TMEM175: variants seen among roughly 807,000 people sequenced by gnomAD.
The protein encoded by TMEM175 is transmembrane protein 175.
A neutral mutation model predicts 36.5 loss-of-function variants in TMEM175; 36 were observed. That is an observed-to-expected ratio of 0.99 (90% CI 0.76 to 1.30). The LOEUF (loss-of-function observed/expected upper bound fraction) is 1.30. Among genes scored for constraint, TMEM175 ranks in the 50% most tolerant of loss-of-function variants. TMEM175 has a pLI of 0.00. For missense variants in TMEM175, 705 were observed against 692.8 expected (o/e 1.02, Z -0.20); for synonymous variants, 339 against 313.4 (o/e 1.08, Z -0.86).
chr4:943,232 A>G (rs1727738398), intron 1 of TMEM175, among the ~76,000 whole-genome samples: 1 of 152,134 alleles, frequency 6.6e-6, no homozygotes, highest in Non-Finnish European at 1.5e-5. Context: ...AAAATAAATT[A>G]ATTGAATTAT....
intron 1 of TMEM175, among the ~76,000 whole-genome samples, chr4:941,265 G>A (rs1727449560): frequency 1.4e-5 from 2 of 147,992 alleles, no homozygotes; most frequent in South Asian, 2.1e-4. Flanking sequence ...AATCCCAGCT[G>A]CTCGGGAGGC....
rs772663977 is a variant in TMEM175 at position 950,416 on chromosome 4, TC to T, written c.193-3del. The T allele has an allele frequency of 1.2e-6, 2 of 1,611,086 alleles. No individual in the cohort carries two copies. Among genetic ancestry groups the T allele is most frequent in the Admixed American group, 3.3e-5 (2 of 59,984 alleles). On this transcript the variant is annotated splice_polypyrimidine_tract_variant and splice_region_variant and intron_variant, in intron 3 of 10. Transcript: ENST00000264771. ...GGCTCTGACAGCAGTGCTCTTGTAT[TC>T]CAGCAGTTCGACAGAAGTGTACAGA...
At chr4:955,361 G>A (rs1477027500) in intron 8 of TMEM175, 44 bp from the exon 9 acceptor site, 22 of 1,523,234 alleles carry the variant, frequency 1.4e-5, no homozygotes, top group Non-Finnish European at 1.8e-5. Context: ...GCCTGGCCTC[G>A]GACCCCTGTG....
intron 8 of TMEM175, 92 bp from the exon 9 acceptor site, chr4:955,313 G>A (rs1265039696): frequency 9.3e-6 from 9 of 963,578 alleles, no homozygotes; most frequent in Admixed American, 1.9e-5. Flanking sequence ...CCCTTCTGCC[G>A]CAGCCCCTGC....
chr4:944,060 A>G (rs1267529652), intron 1 of TMEM175, among the ~76,000 whole-genome samples: 2 of 152,232 alleles, frequency 1.3e-5, no homozygotes, highest in Admixed American at 6.5e-5. Flanking sequence ...CGGGAGGCCA[A>G]GGTAGGTGGA....
chr4:957,436 G>A (rs1283006702), intron 10 of TMEM175, among the ~76,000 whole-genome samples: 1 of 152,206 alleles, frequency 6.6e-6, no homozygotes. Context: ...TGTTGTGTGG[G>A]TGGCTCCGAG....
intron 1 of TMEM175, among the ~76,000 whole-genome samples, chr4:939,644 A>C (rs1214234033): frequency 4.6e-5 from 7 of 152,206 alleles, no homozygotes; most frequent in Admixed American, 2.0e-4. Flanking sequence ...TAAACCCAGG[A>C]GGTGGAGGTT....
At chr4:936,955 CA>C (rs76493313) in intron 1 of TMEM175, among the ~76,000 whole-genome samples, 63 of 135,136 alleles carry the variant, frequency 4.7e-4, no homozygotes, top group East Asian at 3.8e-3. Context: ...GACTCTGTCT[CA>C]AAAAAAAAAA....
Position 947,732 on chromosome 4 carries a change from G to T in TMEM175, c.-8G>T. 6.3e-7 allele frequency: 1 copy of T among 1,597,540 alleles called. No homozygotes were observed. The highest frequency in any genetic ancestry group is 1.3e-5 in the African/African-American group (1 of 74,798). On this transcript the variant is annotated 5_prime_UTR_variant, in exon 2 of 11. Coordinates refer to ENST00000264771, the MANE Select transcript of TMEM175 (RefSeq NM_032326.4). ...AGGCTCCTGTAACCGCCAGGCAGCG[G>T]CCCCGCCATGTCCCAGCCCCGGACC...
chr4:958,610 GT>G lies in TMEM175; in HGVS notation c.*118del. The G allele has an allele frequency of 1.2e-6, 1 of 833,848 alleles. No individual in the cohort carries two copies. The highest frequency in any genetic ancestry group is 1.8e-6 in the Non-Finnish European group (1 of 555,436). 51.7% of individuals were successfully genotyped at this position (833,848 alleles called of 1,614,324 possible). A position where few individuals can be genotyped will look rare whatever the true frequency, so the allele number is the denominator to read the frequency against. On this transcript the variant is annotated 3_prime_UTR_variant, in exon 11 of 11. Coordinates refer to ENST00000264771, the MANE Select transcript of TMEM175 (RefSeq NM_032326.4). ...GCCGCAGTGGTTCTTGCGTGGCCTG[GT>G]TTTATTTTCATTGTGAAATATCATG...
intron 3 of TMEM175, 182 bp downstream of exon 3, chr4:948,336 G>A (rs1560485309): frequency 6.5e-7 from 1 of 1,537,660 alleles, no homozygotes; most frequent in Non-Finnish European, 8.7e-7. Flanking sequence ...CTCAGCCTGT[G>A]CTCACCCCGG....
At chr4:956,625 A>G (rs1169449860) in intron 10 of TMEM175, 13 of 479,874 alleles carry the variant, frequency 2.7e-5, no homozygotes, top group Non-Finnish European at 4.4e-5. Flanking sequence ...TGCATTTTTA[A>G]TAGAGATGAG....
intron 9 of TMEM175, 125 bp downstream of exon 9, chr4:955,608 C>T: frequency 2.1e-6 from 3 of 1,436,278 alleles, no homozygotes; most frequent in East Asian, 2.4e-5. Context: ...GGGGCTCCCC[C>T]ACTCCGCCCC....
At chr4:956,397 A>G (rs1216426856) in intron 10 of TMEM175, 1 of 1,288,160 alleles carries the variant, frequency 7.8e-7, no homozygotes, top group East Asian at 5.6e-5. Context: ...TTCGTCTGTT[A>G]GAGCGCGCGT....
At position 953,365 on chromosome 4, in the gene TMEM175, G is replaced by A. The variant is rs1729208824; in HGVS notation, c.627+11G>A. 1 of 1,595,974 alleles carries A rather than the reference G, an allele frequency of 6.3e-7. No homozygotes were observed. Among genetic ancestry groups the A allele is most frequent in the Non-Finnish European group, 8.6e-7 (1 of 1,169,396 alleles). ...TTCTTTGTCCCCTTGGTGAGTGCTG[G>A]GACAGCCCGTGGGGCCCAGGCAGGA... is the stretch of plus-strand genomic sequence containing the variant. On this transcript the variant is annotated intron_variant, in intron 8 of 10. Coordinates refer to ENST00000264771, the MANE Select transcript of TMEM175 (RefSeq NM_032326.4).
chr4:938,967 A>G (rs1727117917), intron 1 of TMEM175, among the ~76,000 whole-genome samples: 1 of 152,270 alleles, frequency 6.6e-6, no homozygotes, highest in Non-Finnish European at 1.5e-5. Flanking sequence ...TGTGTGATTT[A>G]CATTACCTAA....
intron 10 of TMEM175, among the ~76,000 whole-genome samples, 171 bp from the exon 11 acceptor site, chr4:957,635 AGCACGTAACAGTCAGTGT>A (rs1004527288): frequency 6.6e-6 from 1 of 152,268 alleles, no homozygotes; most frequent in African/African-American, 2.4e-5. Context: ...TCAGATGAAC[AGCACGTAACAGTCAGTGT>A]GCCAAATACA....
chr4:938,947 A>C (rs920325438), intron 1 of TMEM175, among the ~76,000 whole-genome samples: 1 of 152,250 alleles, frequency 6.6e-6, no homozygotes, highest in African/African-American at 2.4e-5. Flanking sequence ...GAACAAGGAC[A>C]AGACAAAATT....
chr4:940,067 C>G (rs1181051679), intron 1 of TMEM175, among the ~76,000 whole-genome samples: 3 of 152,144 alleles, frequency 2.0e-5, no homozygotes, highest in African/African-American at 7.2e-5. Context: ...GCATATTGCT[C>G]AATGAAAGAA....
Sources: gnomAD v4.1 joint callset for allele counts (sites outside exome capture counted in the v4.1 genomes callset) on GRCh38, gnomAD v4.1.1 for gene constraint, MANE v1.5 for transcripts, NCBI Gene and HGNC (gene_info 2026-07-23, HGNC 2026-07-21) for gene names.